The following DOCK2 variants were observed in gnomAD, a reference collection of about 807,000 sequenced individuals.
DOCK2 encodes dedicator of cytokinesis 2.
In DOCK2, 87 loss-of-function variants were observed where a neutral mutation model predicts 248.9. The ratio of observed to expected loss-of-function variants is 0.35; its 90% CI spans 0.29 to 0.42. DOCK2 has a LOEUF of 0.42. Among genes scored for constraint, DOCK2 ranks in the 10% least tolerant of loss-of-function variants. The pLI is 1.00. For synonymous variants in DOCK2, 805 were observed against 821.6 expected (o/e 0.98, Z 0.35); for missense variants, 1,747 against 2,300.2 (o/e 0.76, Z 4.92).
chr5:170,050,464 A>G (rs1756875069), intron 41 of DOCK2, 67 bp downstream of exon 41: 5 of 1,541,148 alleles, frequency 3.2e-6, no homozygotes, highest in Non-Finnish European at 3.5e-6. Flanking sequence ...TGCAGCCCAC[A>G]AAGACCCACC....
intron 34 of DOCK2, among the ~76,000 whole-genome samples, chr5:170,034,111 A>G (rs1169855125): frequency 1.3e-5 from 2 of 152,200 alleles, no homozygotes; most frequent in African/African-American, 4.8e-5. Flanking sequence ...TGCTTCCCCA[A>G]AAAAGTTTTC....
At chr5:169,858,379 CA>C (rs1771006850) in intron 27 of DOCK2, among the ~76,000 whole-genome samples, 1 of 152,068 alleles carries the variant, frequency 6.6e-6, no homozygotes, top group African/African-American at 2.4e-5. Flanking sequence ...TGGGAAACCC[CA>C]ACAGAGCTGC....
rs182045788 is a variant in DOCK2 at position 169,742,459 on chromosome 5, A to C, written c.2268-4937A>C. 2.1e-3 allele frequency among the ~76,000 whole-genome samples: 314 copies of C among 152,374 alleles called. 1 individual carries two copies. The highest frequency in any genetic ancestry group is 3.6e-3 in the Non-Finnish European group (243 of 68,038). ...ACAGAGCAAGGCTAGGAACCCAGGC[A>C]GTGCTGCCTAAACTTCTCTATTGCT... On this transcript the variant is annotated intron_variant, in intron 22 of 51. Transcript: ENST00000520908.
At chr5:169,902,231 C>G (rs1773968811) in intron 27 of DOCK2, among the ~76,000 whole-genome samples, 1 of 152,214 alleles carries the variant, frequency 6.6e-6, no homozygotes, top group Non-Finnish European at 1.5e-5. Flanking sequence ...AGCTGATGAA[C>G]TGCTGAGAAA....
rs1772242978 is a variant in DOCK2 at position 169,875,158 on chromosome 5, C to T, written c.2799+34306C>T. ...CAAAACTTTCTAGTAAATCAAGTATCTTCTTTCAAGACCCTGATTTTTTAC... is the reference window on the plus strand; with the variant it reads ...CAAAACTTTCTAGTAAATCAAGTATTTTCTTTCAAGACCCTGATTTTTTAC... On this transcript the variant is annotated intron_variant, in intron 27 of 51. Transcript: ENST00000520908. 6 of 454,104 alleles carry T rather than the reference C, an allele frequency of 1.3e-5. No homozygotes were observed. In the Admixed American group the frequency reaches 1.4e-4, roughly 11 times the overall value. 28.1% of individuals were successfully genotyped at this position (454,104 alleles called of 1,614,324 possible).
At chr5:170,067,821 G>T (rs2113868139) in intron 45 of DOCK2, 135 bp downstream of exon 45, 1 of 964,940 alleles carries the variant, frequency 1.0e-6, no homozygotes, top group East Asian at 2.5e-5. Context: ...CCCTCAGCTT[G>T]GTTGGCCCTC....
At chr5:169,849,586 C>T (rs1293252142) in intron 27 of DOCK2, among the ~76,000 whole-genome samples, 2 of 152,220 alleles carry the variant, frequency 1.3e-5, no homozygotes, top group Admixed American at 6.5e-5. Context: ...TTTATGATGA[C>T]AATGATATGT....
chr5:169,857,046 G>T (rs916968808), intron 27 of DOCK2, among the ~76,000 whole-genome samples: 5 of 152,118 alleles, frequency 3.3e-5, no homozygotes, highest in African/African-American at 1.2e-4. Flanking sequence ...TGATCTTTTG[G>T]TGCGATTTTA....
rs1049421524 is a variant in DOCK2, at chr5:169,691,581, A to G, written c.843+2248A>G. On this transcript the variant is annotated intron_variant, in intron 9 of 51. Coordinates refer to ENST00000520908, the MANE Select transcript of DOCK2 (RefSeq NM_004946.3). ...AGCAATCCAAGCAATGCAGATAATTAAAACAGGGTGATGTGATGGTATGTG... is the reference window on the plus strand; with the variant it reads ...AGCAATCCAAGCAATGCAGATAATTGAAACAGGGTGATGTGATGGTATGTG... Among the ~76,000 whole-genome samples, 23 of 152,356 alleles carry G rather than the reference A, an allele frequency of 1.5e-4. 1 individual carries two copies. The highest frequency in any genetic ancestry group is 8.8e-5 in the Non-Finnish European group (6 of 68,030).
chr5:169,836,160 G>A (rs1261197028), intron 26 of DOCK2, among the ~76,000 whole-genome samples: 2 of 152,158 alleles, frequency 1.3e-5, no homozygotes, highest in African/African-American at 4.8e-5. Context: ...CATCATTTGT[G>A]TAAAAGTAGA....
At chr5:169,714,862 A>G (rs1390765724) in intron 19 of DOCK2, among the ~76,000 whole-genome samples, 1 of 152,198 alleles carries the variant, frequency 6.6e-6, no homozygotes, top group Non-Finnish European at 1.5e-5. Context: ...CAAAGCATAT[A>G]AAACAAAGTT....
At chr5:169,715,684 A>G (rs1761867739) in intron 19 of DOCK2, among the ~76,000 whole-genome samples, 1 of 151,992 alleles carries the variant, frequency 6.6e-6, no homozygotes, top group South Asian at 2.1e-4. Context: ...AGTATAGCAT[A>G]ATGGATTTTT....
intron 27 of DOCK2, among the ~76,000 whole-genome samples, chr5:169,918,152 T>G (rs763842763): frequency 6.6e-6 from 1 of 152,222 alleles, no homozygotes; most frequent in Non-Finnish European, 1.5e-5. Context: ...TTGGATGGCA[T>G]TTGTTACTAT....
intron 43 of DOCK2, 117 bp from the exon 44 acceptor site, chr5:170,057,463 C>A (rs1051879715): frequency 1.3e-6 from 1 of 797,246 alleles, no homozygotes; most frequent in Non-Finnish European, 2.2e-6. Context: ...ATTCTGCTTT[C>A]GGGTAGATGG....
chr5:170,054,862 C>G (rs1406497947), intron 41 of DOCK2, among the ~76,000 whole-genome samples: 1 of 152,192 alleles, frequency 6.6e-6, no homozygotes, highest in Non-Finnish European at 1.5e-5. Flanking sequence ...TCTGTTCTTA[C>G]AAGTTGTGTG....
rs184211636 is a variant in DOCK2 at position 169,689,604 on chromosome 5, A to C, written c.843+271A>C. Among the ~76,000 whole-genome samples the C allele has an allele frequency of 5.3e-5, 8 of 152,224 alleles. 1 individual carries two copies. Among genetic ancestry groups the C allele is most frequent in the Admixed American group, 5.2e-4 (8 of 15,292 alleles). Reference sequence around the variant, plus strand: ...ACATATGCAGAATGCTACATAAACAAGCACCAACTTCTTTGAGCAATAATG... The same window carrying C: ...ACATATGCAGAATGCTACATAAACACGCACCAACTTCTTTGAGCAATAATG... On this transcript the variant is annotated intron_variant, in intron 9 of 51. Coordinates refer to ENST00000520908, the MANE Select transcript of DOCK2 (RefSeq NM_004946.3).
rs1244410033 is a variant in DOCK2, at chr5:169,699,438, A to G, written c.1112A>G (p.Lys371Arg). ...HSLLGKVIAS[K>R]GDSGGQGLWV... ...CTGCTGGGCAAAGTCATAGCCTCCA[A>G]GGGGGACAGTGGAGGGCAAGGTAAA... Residue 371 changes from lysine to arginine, a missense_variant, in exon 12 of 52, where the codon AAG becomes AGG. Coordinates refer to ENST00000520908, the MANE Select transcript of DOCK2 (RefSeq NM_004946.3). 28 of 1,613,166 alleles carry G rather than the reference A, an allele frequency of 1.7e-5. No homozygotes were observed. The highest frequency in any genetic ancestry group is 1.6e-4 in the Middle Eastern group (1 of 6,080).
Position 169,670,613 on chromosome 5 carries a change from C to T in DOCK2, c.224+16C>T, listed in dbSNP as rs752327577. ...AGAAAAGAAGGTATTTGCCATTCTT[C>T]ACCAGACTTGAGCCTCCAGTGGCTC... On this transcript the variant is annotated intron_variant, in intron 4 of 51. Coordinates refer to ENST00000520908, the MANE Select transcript of DOCK2 (RefSeq NM_004946.3). 9 of 1,613,566 alleles carry T rather than the reference C, an allele frequency of 5.6e-6. No individual in the cohort carries two copies. The highest frequency in any genetic ancestry group is 7.6e-6 in the Non-Finnish European group (9 of 1,179,878).
chr5:170,071,647 A>G (rs1757685570), intron 46 of DOCK2, among the ~76,000 whole-genome samples: 1 of 152,204 alleles, frequency 6.6e-6, no homozygotes, highest in South Asian at 2.1e-4. Flanking sequence ...TATCAAAAAC[A>G]TACATCCGTT....
Sources: gnomAD v4.1 joint callset for allele counts (sites outside exome capture counted in the v4.1 genomes callset) on GRCh38, gnomAD v4.1.1 for gene constraint, MANE v1.5 for transcripts, NCBI Gene and HGNC (gene_info 2026-07-23, HGNC 2026-07-21) for gene names.